The following MPC2 variants were observed in gnomAD, a reference collection of about 807,000 sequenced individuals.
The protein encoded by MPC2 is brain protein 44.
MPC2 carries 19 observed loss-of-function variants against 19.2 expected under a neutral mutation model. The observed-to-expected ratio is 0.99, with a 90% CI of 0.69 to 1.45. The LOEUF is 1.45. MPC2 is among the 40% of genes most tolerant of loss of function. The probability of loss-of-function intolerance (pLI) is 0.00; values close to 1 mark genes in which losing one functional copy is unlikely to be tolerated. For missense variants in MPC2, 122 were observed against 153.0 expected, an observed-to-expected ratio of 0.80 and a Z score of 1.07; for synonymous variants, 61 against 54.3, an observed-to-expected ratio of 1.12 and a Z score of -0.54.
At chr1:167,935,708 T>C in intron 2 of MPC2, 25 bp downstream of exon 2, 1 of 1,541,558 alleles carries the variant, frequency 6.5e-7, no homozygotes, top group Non-Finnish European at 8.8e-7. Flanking sequence ...AAGGTCTCGA[T>C]AAGGAGCCAT....
chr1:167,929,726 A>C (rs1029897614), intron 2 of MPC2, among the ~76,000 whole-genome samples: 1 of 152,208 alleles, frequency 6.6e-6, no homozygotes, highest in Admixed American at 6.5e-5. Context: ...TCCCTAAGTA[A>C]AGACTAACTT....
chr1:167,936,125 T>A (rs1671178021), intron 1 of MPC2: 1 of 476,948 alleles, frequency 2.1e-6, no homozygotes, highest in Admixed American at 3.4e-5. Context: ...GCCAAAATAA[T>A]CACCTCACCA....
chr1:167,932,246 A>G (rs1429030292), intron 2 of MPC2, among the ~76,000 whole-genome samples: 1 of 152,126 alleles, frequency 6.6e-6, no homozygotes, highest in Non-Finnish European at 1.5e-5. Context: ...TTGAGTATAC[A>G]TCCTGTTTAT....
chr1:167,935,671 A>G, intron 2 of MPC2, 62 bp downstream of exon 2: 1 of 1,418,504 alleles, frequency 7.0e-7, no homozygotes, highest in Non-Finnish European at 9.7e-7. Context: ...GGCCTCTAAA[A>G]GGTCCATTTT....
At chr1:167,920,752 CCATT>C (rs760284957) in intron 3 of MPC2, 121 bp from the exon 4 acceptor site, 4 of 938,300 alleles carry the variant, frequency 4.3e-6, no homozygotes, top group African/African-American at 1.7e-5. Flanking sequence ...ATTTTAGTGT[CCATT>C]CATTAAGAAA....
At chr1:167,923,891 GCA>G (rs1365300519) in intron 3 of MPC2, among the ~76,000 whole-genome samples, 2 of 152,138 alleles carry the variant, frequency 1.3e-5, no homozygotes, top group African/African-American at 4.8e-5. Flanking sequence ...ACTTTGAGAA[GCA>G]CAGTTATAGA....
rs548357867 is a variant in MPC2 at position 167,936,066 on chromosome 1, T to A, written c.-57-168A>T. The A allele has an allele frequency of 5.5e-5, 32 of 579,268 alleles. No homozygotes were observed. The East Asian group carries it at 9.1e-4, about 16-fold the overall frequency. 35.9% of individuals were successfully genotyped at this position (579,268 alleles called of 1,614,324 possible). A position where few individuals can be genotyped will look rare whatever the true frequency, so the allele number is the denominator to read the frequency against. On this transcript the variant is annotated intron_variant, in intron 1 of 5. Transcript: ENST00000271373. ...GAGGCTGCCGACTGCCAGCCCCCGG[T>A]CCGCCTCCGGCCCCCGGCAGGAGAG...
chr1:167,932,106 A>G (rs1670927911), intron 2 of MPC2, among the ~76,000 whole-genome samples: 1 of 152,192 alleles, frequency 6.6e-6, no homozygotes, highest in Non-Finnish European at 1.5e-5. Flanking sequence ...GGAGAGCTAT[A>G]ATGCGTTAAA....
intron 2 of MPC2, among the ~76,000 whole-genome samples, chr1:167,928,404 T>G (rs115087664): frequency 0.01 from 1,587 of 152,152 alleles, 34 homozygotes; most frequent in African/African-American, 0.035. Context: ...TAACATTCAA[T>G]TAACATTTCT....
intron 2 of MPC2, among the ~76,000 whole-genome samples, chr1:167,933,973 T>C (rs1042832042): frequency 2.0e-5 from 3 of 152,204 alleles, no homozygotes; most frequent in South Asian, 4.1e-4. Flanking sequence ...TCCCATTTTA[T>C]AGATGAGATA....
At chr1:167,925,546 G>GTTTTTTTTTTTT (rs1557854280) in intron 2 of MPC2, among the ~76,000 whole-genome samples, 9 of 101,826 alleles carry the variant, frequency 8.8e-5, no homozygotes, top group African/African-American at 2.5e-4. Flanking sequence ...TTTTTTTTTG[G>GTTTTTTTTTTTT]TTTTTTTTGT....
chr1:167,920,719 A>G (rs1435732216), intron 3 of MPC2, 88 bp from the exon 4 acceptor site: 3 of 1,314,598 alleles, frequency 2.3e-6, no homozygotes, highest in African/African-American at 1.5e-5. Flanking sequence ...CATTTTTGAG[A>G]TTTCCGTAAG....
intron 5 of MPC2, 54 bp from the exon 6 acceptor site, chr1:167,918,413 G>T: frequency 8.6e-7 from 1 of 1,168,910 alleles, no homozygotes; most frequent in Non-Finnish European, 1.2e-6. Flanking sequence ...ACAAATTTAT[G>T]GTAAGGAGAG....
intron 2 of MPC2, among the ~76,000 whole-genome samples, chr1:167,933,902 CAT>C (rs1199641421): frequency 1.3e-5 from 2 of 152,174 alleles, no homozygotes; most frequent in East Asian, 3.8e-4. Flanking sequence ...CGCTGTGCTA[CAT>C]GTTTTAGAGA....
intron 2 of MPC2, among the ~76,000 whole-genome samples, chr1:167,929,981 G>A (rs1427500990): frequency 6.6e-6 from 1 of 151,944 alleles, no homozygotes; most frequent in Non-Finnish European, 1.5e-5. Context: ...GCTATCATGT[G>A]ACAAACTAGA....
intron 2 of MPC2, among the ~76,000 whole-genome samples, chr1:167,925,478 T>TATATATATATATATAC (rs1298972592): frequency 2.4e-5 from 3 of 122,608 alleles, no homozygotes; most frequent in African/African-American, 3.4e-5. Context: ...TATATATACA[T>TATATATATATATATAC]ATACATATAC....
intron 2 of MPC2, among the ~76,000 whole-genome samples, chr1:167,925,536 T>G (rs1034525473): frequency 1.4e-5 from 2 of 143,512 alleles, no homozygotes; most frequent in African/African-American, 5.1e-5. Context: ...TTTTTTTGGT[T>G]TTTTTTTTGG....
At chr1:167,936,784 ACGCTGCGCCCTGGAGG>A (rs1671293109) in intron 1 of MPC2, 139 bp downstream of exon 1, 1 of 814,368 alleles carries the variant, frequency 1.2e-6, no homozygotes, top group Non-Finnish European at 2.0e-6. Flanking sequence ...CCGCCATCTA[ACGCTGCGCCCTGGAGG>A]CCCGGCGCGC....
intron 1 of MPC2, chr1:167,936,237 C>T (rs1167806490): frequency 8.4e-6 from 2 of 239,154 alleles, no homozygotes; most frequent in African/African-American, 2.4e-5. Context: ...GAAACCTCCT[C>T]CTTCTCCCCA....
Sources: gnomAD v4.1 joint callset for allele counts (sites outside exome capture counted in the v4.1 genomes callset) on GRCh38, gnomAD v4.1.1 for gene constraint, MANE v1.5 for transcripts, NCBI Gene and HGNC (gene_info 2026-07-23, HGNC 2026-07-21) for gene names.